Variants in MAP3K15 observed in about 807,000 individuals in gnomAD.
MAP3K15 encodes mitogen-activated protein kinase kinase kinase 15.
Under a neutral mutation model 99.5 loss-of-function variants are expected in MAP3K15, and 124 were observed. The ratio of observed to expected loss-of-function variants is 1.25; its 90% confidence interval spans 1.08 to 1.45. The LOEUF is 1.45. MAP3K15 is among the 40% of genes most tolerant of loss of function. The pLI, the probability that MAP3K15 is intolerant of heterozygous loss-of-function variation, is 0.00. For missense variants in MAP3K15, 1,242 were observed against 1,079.7 expected, an observed-to-expected ratio of 1.15 and a Z score of -2.11; for synonymous variants, 494 against 439.6, an observed-to-expected ratio of 1.12 and a Z score of -1.55.
At chrX:19,362,633 T>A in intron 26 of MAP3K15, 105 bp downstream of exon 26, 1 of 503,350 alleles carries the variant, frequency 2.0e-6, no homozygotes, top group Non-Finnish European at 3.4e-6. Context: ...TAGTCTAGAA[T>A]CTACTGGAGT....
At chrX:19,459,550 T>C (rs2064116423) in intron 5 of MAP3K15, among the ~76,000 whole-genome samples, 1 of 112,404 alleles carries the variant, frequency 8.9e-6, no homozygotes, top group South Asian at 3.7e-4. Flanking sequence ...ACCATTTGTC[T>C]ATAAAACGGC....
chrX:19,361,606 G>A lies in MAP3K15; in HGVS notation c.3680-13C>T, dbSNP rs746410710. On this transcript the variant is annotated splice_polypyrimidine_tract_variant and intron_variant, in intron 26 of 28. Coordinates refer to ENST00000338883, the MANE Select transcript of MAP3K15 (RefSeq NM_001001671.4). The stretch of plus-strand genomic sequence containing the variant: ...TTCTCTGTAATACCTGTAACGATTG[G>A]CAATTTGTTATATATTAGTCTAACC... 268 of 1,127,981 alleles carry A rather than the reference G, an allele frequency of 2.4e-4. 1 individual carries two copies. The South Asian group carries it at 4.8e-3, about 20-fold the overall frequency. 93.0% of individuals were successfully genotyped at this position (1,127,981 alleles called of 1,213,427 possible). A position where few individuals can be genotyped will look rare whatever the true frequency, so the allele number is the denominator to read the frequency against.
intron 9 of MAP3K15, among the ~76,000 whole-genome samples, chrX:19,419,067 C>T (rs2147289267): frequency 8.9e-6 from 1 of 111,966 alleles, no homozygotes; most frequent in African/African-American, 3.2e-5. Flanking sequence ...ACAACCAGTA[C>T]CAGCCACTGC....
intron 20 of MAP3K15, 132 bp from the exon 21 acceptor site, chrX:19,373,827 G>C: frequency 1.0e-5 from 7 of 687,509 alleles, no homozygotes; most frequent in Non-Finnish European, 1.5e-5. Flanking sequence ...TGGGTTGGGC[G>C]GGGGACGGGC....
chrX:19,501,394 A>C (rs752845991), intron 1 of MAP3K15, among the ~76,000 whole-genome samples: 1 of 112,389 alleles, frequency 8.9e-6, no homozygotes, highest in East Asian at 2.8e-4. Context: ...CTTCCATCCC[A>C]GCATGTCCAG....
chrX:19,362,865 A>G lies in MAP3K15; in HGVS notation c.3567-15T>C. On this transcript the variant is annotated splice_polypyrimidine_tract_variant and intron_variant, in intron 25 of 28. Transcript: ENST00000338883. ...GTTCCAAAAGTCTGGTTTAAAAAAA[A>G]AAAAAAAAAGCCATTATCCAGAGAG... The G allele has an allele frequency of 2.0e-6, 2 of 983,534 alleles. No homozygotes were observed. Among genetic ancestry groups the G allele is most frequent in the Non-Finnish European group, 2.8e-6 (2 of 704,950 alleles). 81.1% of individuals were successfully genotyped at this position (983,534 alleles called of 1,213,427 possible).
In MAP3K15 at chrX:19,360,754, C is replaced by G; in HGVS notation, c.3937G>C (p.Ala1313Pro). Reference sequence around the variant, plus strand: ...CACAGCTTAGCTGATTGGTATCAAGCCTTGTCTTTGGTTTCTGAGGCCTCC... The same window carrying G: ...CACAGCTTAGCTGATTGGTATCAAGGCTTGTCTTTGGTTTCTGAGGCCTCC... ...AQEASETKDK[A>P] The change falls in exon 29 of 29, where the codon GCT (alanine) becomes CCT (proline). Residue 1313 changes from alanine (A) to proline (P), a missense_variant. Coordinates refer to ENST00000338883, the MANE Select transcript of MAP3K15 (RefSeq NM_001001671.4). The G allele has an allele frequency of 8.3e-7, 1 of 1,206,182 alleles. No individual in the cohort carries two copies. The highest frequency in any genetic ancestry group is 1.1e-6 in the Non-Finnish European group (1 of 891,642).
intron 2 of MAP3K15, 130 bp downstream of exon 2, chrX:19,488,698 G>T: frequency 1.6e-6 from 1 of 619,722 alleles, no homozygotes; most frequent in Non-Finnish European, 2.5e-6. Context: ...AATCTGTGGT[G>T]GGAAGGAAAG....
chrX:19,437,679 T>A (rs1031672409), intron 6 of MAP3K15, among the ~76,000 whole-genome samples: 9 of 112,101 alleles, frequency 8.0e-5, no homozygotes, highest in African/African-American at 2.9e-4. Flanking sequence ...AGGTTTTTTT[T>A]ATTCTATCTC....
chrX:19,471,603 A>T (rs2147374370), intron 3 of MAP3K15, among the ~76,000 whole-genome samples: 1 of 111,269 alleles, frequency 9.0e-6, no homozygotes, highest in East Asian at 2.8e-4. Context: ...CATATCCAAG[A>T]AGCCAAATGA....
chrX:19,496,325 C>G (rs773542292), intron 1 of MAP3K15: 2 of 111,219 alleles, frequency 1.8e-5, no homozygotes, highest in Admixed American at 1.9e-4. Flanking sequence ...CCTCGGCCCC[C>G]CAAAGTGCTG....
chrX:19,469,956 C>T (rs765509601), intron 3 of MAP3K15, among the ~76,000 whole-genome samples: 1 of 110,064 alleles, frequency 9.1e-6, no homozygotes, highest in African/African-American at 3.3e-5. Context: ...GGTGGTGGGA[C>T]TGTAAACTAG....
At chrX:19,426,818 C>CAAAAAAAAAAAAAAAAAA (rs746106862) in intron 7 of MAP3K15, among the ~76,000 whole-genome samples, 2 of 21,149 alleles carry the variant, frequency 9.5e-5, no homozygotes, top group African/African-American at 2.1e-4. Flanking sequence ...AATCTGTCTC[C>CAAAAAAAAAAAAAAAAAA]AAAAAAAAAA....
Position 19,369,200 on chromosome X carries a change from C to A in MAP3K15, c.3420G>T (p.Glu1140Asp), listed in dbSNP as rs1395086883. 8.3e-6 allele frequency: 10 copies of A among 1,209,546 alleles called. No individual in the cohort carries two copies. Among genetic ancestry groups the A allele is most frequent in the Non-Finnish European group, 1.1e-5 (10 of 895,085 alleles). The change falls in exon 25 of 29, where the codon GAG (glutamate) becomes GAT (aspartate). Residue 1140 changes from glutamate to aspartate, a missense_variant. By Grantham distance (45) the Glu-to-Asp change is conservative. Coordinates refer to ENST00000338883, the MANE Select transcript of MAP3K15 (RefSeq NM_001001671.4). Reference protein sequence around the residue: ...ILIPELRAHFEPTCETEGVDK... With the variant: ...ILIPELRAHFDPTCETEGVDK... The stretch of plus-strand genomic sequence containing the variant: ...CTACCCCTTCAGTCTCACAGGTAGG[C>A]TCAAAGTGGGCTCGGAGCTCTGCAA...
Position 19,407,282 on chromosome X carries a change from G to C in MAP3K15, c.1750C>G (p.Leu584Val). The change falls in exon 13 of 29, where the codon CTA (leucine) becomes GTA (valine). Residue 584 changes from leucine to valine, a missense_variant and splice_region_variant. By Grantham distance (32) the Leu-to-Val change is conservative (BLOSUM62 1). Transcript: ENST00000338883. Reference sequence around the variant, plus strand: ...CAACACCTTTCATCAAACTTTGATAGGCTGTAAAATTTCAAAGCATAATGT... The same window carrying C: ...CAACACCTTTCATCAAACTTTGATACGCTGTAAAATTTCAAAGCATAATGT... ...FTASSIKGIS[L>V]SKFDERCCFL... is the part of the protein sequence containing the mutation. 8.7e-7 allele frequency: 1 copy of C among 1,145,933 alleles called. No individual in the cohort carries two copies. The highest frequency in any genetic ancestry group is 1.2e-6 in the Non-Finnish European group (1 of 848,610). The allele number at this position is 1,145,933 out of a possible 1,213,427, so 94.4% of individuals were successfully genotyped here. A position where few individuals can be genotyped will look rare whatever the true frequency, so the allele number is the denominator to read the frequency against.
chrX:19,408,038 T>C (rs1309140098), intron 12 of MAP3K15, among the ~76,000 whole-genome samples: 1 of 112,455 alleles, frequency 8.9e-6, no homozygotes, highest in Non-Finnish European at 1.9e-5. Context: ...ATAGATTGCA[T>C]GACAAACACT....
At chrX:19,446,468 G>C (rs2063999284) in intron 6 of MAP3K15, among the ~76,000 whole-genome samples, 1 of 111,680 alleles carries the variant, frequency 9.0e-6, no homozygotes, top group Admixed American at 9.5e-5. Flanking sequence ...AGGAAAGTTT[G>C]GTGACCTGCC....
Position 19,515,397 on chromosome X carries a change from C to T in MAP3K15, c.-136G>A, listed in dbSNP as rs1012451693. Reference sequence around the variant, plus strand: ...CGGGACGCTACGGGAATCGAGGGAACGGAGCGCACCGGGGACCCCGCGGCG... The same window carrying T: ...CGGGACGCTACGGGAATCGAGGGAATGGAGCGCACCGGGGACCCCGCGGCG... On this transcript the variant is annotated 5_prime_UTR_variant, in exon 1 of 29. Transcript: ENST00000338883. 6.3e-6 allele frequency: 2 copies of T among 318,236 alleles called. No homozygotes were observed. The highest frequency in any genetic ancestry group is 8.7e-6 in the Non-Finnish European group (2 of 229,962). 26.2% of individuals were successfully genotyped at this position (318,236 alleles called of 1,213,427 possible). A position where few individuals can be genotyped will look rare whatever the true frequency, so the allele number is the denominator to read the frequency against.
rs770323222 is a variant in MAP3K15 at position 19,369,232 on chromosome X, C to A, written c.3401-13G>T. On this transcript the variant is annotated splice_polypyrimidine_tract_variant and intron_variant, in intron 24 of 28. Transcript: ENST00000338883. Reference sequence around the variant, plus strand: ...TGGGCTCGGAGCTCTGCAAATCACACAAGACATGACAATGGTGAGCAAACC... The same window carrying A: ...TGGGCTCGGAGCTCTGCAAATCACAAAAGACATGACAATGGTGAGCAAACC... 1 of 1,210,937 alleles carries A rather than the reference C, an allele frequency of 8.3e-7. No homozygotes were observed. The highest frequency in any genetic ancestry group is 1.1e-6 in the Non-Finnish European group (1 of 895,022).
Sources: gnomAD v4.1 joint callset for allele counts (sites outside exome capture counted in the v4.1 genomes callset) on GRCh38, gnomAD v4.1.1 for gene constraint, MANE v1.5 for transcripts, NCBI Gene and HGNC (gene_info 2026-07-23, HGNC 2026-07-21) for gene names.